Variants in PDE4D observed in about 807,000 individuals in gnomAD.
The protein encoded by PDE4D is 3',5'-cyclic-AMP phosphodiesterase 4D.
PDE4D carries 24 observed loss-of-function variants against 87.4 expected under a neutral mutation model. That is an observed-to-expected ratio of 0.27 (90% CI 0.20 to 0.39). The LOEUF is 0.39. PDE4D is among the 10% of genes least tolerant of loss of function. PDE4D has a pLI of 1.00. For synonymous variants in PDE4D, 384 were observed against 383.2 expected (o/e 1.00, Z -0.02); for missense variants, 714 against 1,041.0 (o/e 0.69, Z 4.32).
At chr5:59,103,490 C>CA (rs11448342) in intron 5 of PDE4D, among the ~76,000 whole-genome samples, 37,651 of 142,244 alleles carry the variant, frequency 0.26, 4,867 homozygotes, top group African/African-American at 0.32. Context: ...CTTAAAAAAG[C>CA]AAAAAAAAAA....
intron 1 of PDE4D, among the ~76,000 whole-genome samples, chr5:59,326,441 C>A (rs976086494): frequency 1.3e-5 from 2 of 151,742 alleles, no homozygotes; most frequent in Non-Finnish European, 2.9e-5. Context: ...GTAGCCCCCC[C>A]CAAGACACAT....
Position 58,970,866 on chromosome 5 carries a change from A to G in PDE4D, c.*3798T>C, listed in dbSNP as rs1742487145. The G allele has an allele frequency of 6.6e-6, 1 of 151,916 alleles. No individual in the cohort carries two copies. The highest frequency in any genetic ancestry group is 2.1e-4 in the South Asian group (1 of 4,818). The allele number at this position is 151,916 out of a possible 1,614,324, so 9.4% of individuals were successfully genotyped here. A position where few individuals can be genotyped will look rare whatever the true frequency, so the allele number is the denominator to read the frequency against. On this transcript the variant is annotated 3_prime_UTR_variant, in exon 15 of 15. Coordinates refer to ENST00000340635, the MANE Select transcript of PDE4D (RefSeq NM_001104631.2). ...AAAAAAAAGAAAAAGATTGTTTATA[A>G]TCACTGGGAAAGAATATATTTCCCC...
intron 1 of PDE4D, among the ~76,000 whole-genome samples, chr5:59,682,565 T>C (rs1044201417): frequency 4.6e-5 from 7 of 152,214 alleles, no homozygotes; most frequent in Admixed American, 3.9e-4. Context: ...AGGTGTGGCC[T>C]TTTGGAAGTG....
rs982766589 is a variant in PDE4D at position 59,324,465 on chromosome 5, C to T, written c.456-108497G>A. ...CCAAGGCAGTGATTTGTTAAGACATCGGCATGTGAAACCATTTTGGCCAAT... is the reference window on the plus strand; with the variant it reads ...CCAAGGCAGTGATTTGTTAAGACATTGGCATGTGAAACCATTTTGGCCAAT... On this transcript the variant is annotated intron_variant, in intron 1 of 14. Transcript: ENST00000340635. 3.9e-5 allele frequency among the ~76,000 whole-genome samples: 6 copies of T among 152,190 alleles called. No homozygotes were observed. In the South Asian group the frequency reaches 6.2e-4, roughly 16 times the overall value.
At chr5:59,888,201 A>G (rs1270155793) in intron 1 of PDE4D, among the ~76,000 whole-genome samples, 1 of 152,238 alleles carries the variant, frequency 6.6e-6, no homozygotes, top group Non-Finnish European at 1.5e-5. Context: ...CTGAACCCAG[A>G]TGATCCAATT....
intron 1 of PDE4D, among the ~76,000 whole-genome samples, chr5:59,693,716 C>A (rs1244833841): frequency 6.6e-6 from 1 of 152,096 alleles, no homozygotes; most frequent in Non-Finnish European, 1.5e-5. Context: ...ATGGAGTGTA[C>A]TTGTTGAATA....
chr5:59,415,596 T>C (rs1363710962), intron 1 of PDE4D, among the ~76,000 whole-genome samples: 3 of 152,094 alleles, frequency 2.0e-5, no homozygotes, highest in African/African-American at 7.2e-5. Flanking sequence ...AGTGAATCTA[T>C]ATTTCTAATT....
chr5:60,129,272 T>C (rs185973621), intron 2 of PDE4D, among the ~76,000 whole-genome samples: 1 of 152,352 alleles, frequency 6.6e-6, no homozygotes, highest in East Asian at 1.9e-4. Flanking sequence ...ATATTTCATA[T>C]GCTTAATCAT....
At chr5:59,535,596 C>T (rs1249011435) in intron 1 of PDE4D, among the ~76,000 whole-genome samples, 7 of 152,130 alleles carry the variant, frequency 4.6e-5, no homozygotes, top group African/African-American at 1.7e-4. Context: ...CAACTTTTTC[C>T]TACAGGGAAT....
chr5:59,821,797 G>A (rs541444050), intron 1 of PDE4D, among the ~76,000 whole-genome samples: 2 of 152,270 alleles, frequency 1.3e-5, no homozygotes, highest in African/African-American at 4.8e-5. Flanking sequence ...TAATCACACT[G>A]TGGCCAATTT....
chr5:59,030,526 G>A (rs950077066), intron 6 of PDE4D, among the ~76,000 whole-genome samples: 1 of 151,548 alleles, frequency 6.6e-6, no homozygotes, highest in Admixed American at 6.6e-5. Flanking sequence ...ATCACTTGAG[G>A]CCAGGAATTC....
At chr5:59,558,410 C>G (rs1034384295) in intron 1 of PDE4D, 3 of 151,792 alleles carry the variant, frequency 2.0e-5, no homozygotes, top group African/African-American at 7.3e-5. Flanking sequence ...GTGAGCCACG[C>G]AGATAACTGG....
rs1580495469 is a variant in PDE4D at position 59,697,761 on chromosome 5, G to C, written c.455+195407C>G. Among the ~76,000 whole-genome samples the C allele has an allele frequency of 2.6e-5, 4 of 152,246 alleles. 1 individual carries two copies. The highest frequency in any genetic ancestry group is 9.6e-5 in the African/African-American group (4 of 41,522). Reference sequence around the variant, plus strand: ...TCTGATGAGTTGTTATTATGTACTTGCTAAGAAACAACAGCCTAGGTAGGG... The same window carrying C: ...TCTGATGAGTTGTTATTATGTACTTCCTAAGAAACAACAGCCTAGGTAGGG... On this transcript the variant is annotated intron_variant, in intron 1 of 14. Coordinates refer to ENST00000340635, the MANE Select transcript of PDE4D (RefSeq NM_001104631.2).
At position 60,203,133 on chromosome 5, in the gene PDE4D, G is replaced by A. The variant is rs150529390; in HGVS notation, c.-89-17446C>T. Among the ~76,000 whole-genome samples, 945 of 152,140 alleles carry A rather than the reference G, an allele frequency of 6.2e-3. 7 individuals carry two copies. Among genetic ancestry groups the A allele is most frequent in the African/African-American group, 0.022 (895 of 41,500 alleles). ...ATTACAGGCACCCACCACTACGCTC[G>A]ACTAATTTTTATATTTTTAGTAGAG... is the stretch of plus-strand genomic sequence containing the variant. On this transcript the variant is annotated intron_variant, in intron 1 of 16. Transcript: ENST00000502484.
chr5:59,120,294 G>T (rs1463335028), intron 5 of PDE4D, among the ~76,000 whole-genome samples: 1 of 152,144 alleles, frequency 6.6e-6, no homozygotes, highest in South Asian at 2.1e-4. Flanking sequence ...GTTCAAGGTT[G>T]TGTCCTACCT....
chr5:59,696,276 A>C (rs1218528081), intron 1 of PDE4D, among the ~76,000 whole-genome samples: 1 of 152,188 alleles, frequency 6.6e-6, no homozygotes, highest in Non-Finnish European at 1.5e-5. Flanking sequence ...CCAGAGTCTT[A>C]GTGTATAACT....
chr5:60,105,438 G>T (rs909501273), intron 2 of PDE4D, among the ~76,000 whole-genome samples: 5 of 152,206 alleles, frequency 3.3e-5, no homozygotes, highest in Admixed American at 3.3e-4. Flanking sequence ...AAAACACTCT[G>T]CAGGATATTA....
chr5:59,415,544 T>C (rs1793452267), intron 1 of PDE4D, among the ~76,000 whole-genome samples: 1 of 152,222 alleles, frequency 6.6e-6, no homozygotes, highest in South Asian at 2.1e-4. Context: ...ATTAAAAGAC[T>C]GATAGTTGAT....
chr5:59,261,101 G>C (rs575924048), intron 1 of PDE4D, among the ~76,000 whole-genome samples: 27 of 151,942 alleles, frequency 1.8e-4, no homozygotes, highest in Middle Eastern at 3.4e-3. Flanking sequence ...CATTGTGAAA[G>C]TCAGATAATA....
Sources: gnomAD v4.1 joint callset for allele counts (sites outside exome capture counted in the v4.1 genomes callset) on GRCh38, gnomAD v4.1.1 for gene constraint, MANE v1.5 for transcripts, NCBI Gene and HGNC (gene_info 2026-07-23, HGNC 2026-07-21) for gene names.